FSHR: variants seen among roughly 807,000 people sequenced by gnomAD.
FSHR encodes follicle-stimulating hormone receptor.
A neutral mutation model predicts 52.1 loss-of-function variants in FSHR; 46 were observed. That is an observed-to-expected ratio of 0.88 (90% CI 0.70 to 1.13). The LOEUF is 1.13. FSHR is among the 50% of genes most tolerant of loss of function. FSHR has a pLI of 0.00. For synonymous variants in FSHR, 399 were observed against 309.6 expected, an observed-to-expected ratio of 1.29 and a Z score of -3.03; for missense variants, 964 against 834.6, an observed-to-expected ratio of 1.16 and a Z score of -1.91.
chr2:49,085,912 A>G (rs966457831), intron 1 of FSHR, among the ~76,000 whole-genome samples: 3 of 151,506 alleles, frequency 2.0e-5, no homozygotes, highest in Non-Finnish European at 2.9e-5. Flanking sequence ...GGAATTGAAC[A>G]ATGAGAACAC....
chr2:49,122,308 C>T (rs1671846313), intron 1 of FSHR, among the ~76,000 whole-genome samples: 1 of 152,184 alleles, frequency 6.6e-6, no homozygotes, highest in African/African-American at 2.4e-5. Flanking sequence ...GCTGACAGAA[C>T]TGTCATCTTC....
At chr2:49,127,790 C>G (rs866935964) in intron 1 of FSHR, among the ~76,000 whole-genome samples, 5 of 53,810 alleles carry the variant, frequency 9.3e-5, no homozygotes, top group Non-Finnish European at 1.4e-4. Flanking sequence ...TCTTCTTCTT[C>G]TTCTTCTTCT....
chr2:48,968,573 G>C, intron 9 of FSHR, 125 bp downstream of exon 9: 1 of 1,130,976 alleles, frequency 8.8e-7, no homozygotes, highest in Non-Finnish European at 1.3e-6. Context: ...CCCAGAATGT[G>C]CCAAAGGGCT....
chr2:49,059,702 C>CA (rs1293242380), intron 2 of FSHR: 1 of 152,146 alleles, frequency 6.6e-6, no homozygotes, highest in Non-Finnish European at 1.5e-5. Flanking sequence ...TCATTCTATA[C>CA]AAAAATCAAC....
chr2:49,117,733 C>T (rs1010790445), intron 1 of FSHR, among the ~76,000 whole-genome samples: 21 of 152,296 alleles, frequency 1.4e-4, no homozygotes, highest in Non-Finnish European at 2.9e-4. Context: ...GCCTCGCTTT[C>T]CGTTTTTCAA....
Position 49,093,594 on chromosome 2 carries a change from T to TC in FSHR, c.153-25305dup, listed in dbSNP as rs35608687. 4.8e-4 allele frequency among the ~76,000 whole-genome samples: 62 copies of TC among 128,596 alleles called. 1 individual carries two copies. The highest frequency in any genetic ancestry group is 7.5e-4 in the Admixed American group (9 of 12,006). 84.4% of individuals were successfully genotyped at this position (128,596 alleles called of 152,430 possible). On this transcript the variant is annotated intron_variant, in intron 1 of 9. Transcript: ENST00000406846. The stretch of plus-strand genomic sequence containing the variant: ...CAGCCTTTCTAAAACATTATATTTA[T>TC]CTTTTTTTTTTTTTTTTTGAGACGG...
chr2:49,153,703 C>T (rs141353042), intron 1 of FSHR, among the ~76,000 whole-genome samples: 1 of 152,232 alleles, frequency 6.6e-6, no homozygotes, highest in African/African-American at 2.4e-5. Context: ...TTCTCCCTCT[C>T]TCTGTGTCTT....
chr2:49,115,030 T>A (rs1334815610), intron 1 of FSHR, among the ~76,000 whole-genome samples: 1 of 151,114 alleles, frequency 6.6e-6, no homozygotes, highest in African/African-American at 2.4e-5. Context: ...TAGAACATGA[T>A]CCAATGAAAG....
rs114795945 is a variant in FSHR at position 49,112,656 on chromosome 2, A to G, written c.152+41610T>C. ...TATATTAAAGAGAGTGTTAGATGTGAAGATCCCTGCAACCACTTGAACCAT... is the reference window on the plus strand; with the variant it reads ...TATATTAAAGAGAGTGTTAGATGTGGAGATCCCTGCAACCACTTGAACCAT... On this transcript the variant is annotated intron_variant, in intron 1 of 9. Transcript: ENST00000406846. Among the ~76,000 whole-genome samples the G allele has an allele frequency of 3.0e-3, 457 of 152,318 alleles. 3 individuals are homozygous for G. The highest frequency in any genetic ancestry group is 0.011 in the African/African-American group (442 of 41,576).
In FSHR at chr2:49,087,070, GTTTTTTTTTT is replaced by G. The variant is rs56890721; in HGVS notation, c.153-18790_153-18781del. Among the ~76,000 whole-genome samples the G allele has an allele frequency of 2.0e-4, 17 of 86,730 alleles. 1 individual carries two copies. The East Asian group carries it at 3.0e-3, about 15-fold the overall frequency. 56.9% of individuals were successfully genotyped at this position (86,730 alleles called of 152,430 possible). A position where few individuals can be genotyped will look rare whatever the true frequency, so the allele number is the denominator to read the frequency against. On this transcript the variant is annotated intron_variant, in intron 1 of 9. Transcript: ENST00000406846. ...GTAGTTGAGGGACCCTGTGGGCAGG[GTTTTTTTTTT>G]TTTTTTTTTTTTTTTTTTACAAAGC...
intron 8 of FSHR, among the ~76,000 whole-genome samples, chr2:48,976,785 A>G (rs1234446667): frequency 1.3e-5 from 2 of 152,162 alleles, no homozygotes; most frequent in African/African-American, 4.8e-5. Flanking sequence ...TGTTTATAGT[A>G]TTCTCTGATG....
At chr2:49,074,026 A>G (rs1669854899) in intron 1 of FSHR, among the ~76,000 whole-genome samples, 1 of 152,064 alleles carries the variant, frequency 6.6e-6, no homozygotes. Context: ...CTCATTCTAT[A>G]TAGAAATGAC....
chr2:49,143,237 A>T (rs930039169), intron 1 of FSHR, among the ~76,000 whole-genome samples: 3 of 152,120 alleles, frequency 2.0e-5, no homozygotes, highest in African/African-American at 7.2e-5. Flanking sequence ...TAGGAGGAAA[A>T]CTAGTGTGGT....
chr2:49,117,734 C>T lies in FSHR; in HGVS notation c.152+36532G>A, dbSNP rs370751480. 5.5e-4 allele frequency among the ~76,000 whole-genome samples: 84 copies of T among 152,264 alleles called. 1 individual carries two copies. The South Asian group carries it at 0.015, about 27-fold the overall frequency. On this transcript the variant is annotated intron_variant, in intron 1 of 9. Coordinates refer to ENST00000406846, the MANE Select transcript of FSHR (RefSeq NM_000145.4). ...ACCTCTTCACTCCTGCCTCGCTTTCCGTTTTTCAAATTTCTTTTCTATGTG... is the reference window on the plus strand; with the variant it reads ...ACCTCTTCACTCCTGCCTCGCTTTCTGTTTTTCAAATTTCTTTTCTATGTG...
chr2:48,985,697 G>GTTTTTTTTTTTTTTTTTTTTTTTTTTT lies in FSHR; in HGVS notation c.525-2558_525-2532dup, dbSNP rs70946839. On this transcript the variant is annotated intron_variant, in intron 6 of 9. Transcript: ENST00000406846. ...TTCAGTTTCAGGGGAGCAAGTACAG[G>GTTTTTTTTTTTTTTTTTTTTTTTTTTT]TTTTTTTTTTTTTTTTTTTTTTTTT... Among the ~76,000 whole-genome samples the GTTTTTTTTTTTTTTTTTTTTTTTTTTT allele has an allele frequency of 1.0e-4, 10 of 99,540 alleles. 5 individuals are homozygous for GTTTTTTTTTTTTTTTTTTTTTTTTTTT. The highest frequency in any genetic ancestry group is 4.2e-4 in the African/African-American group (10 of 23,878). 65.3% of individuals were successfully genotyped at this position (99,540 alleles called of 152,430 possible).
At chr2:49,059,264 GA>G (rs1165358540) in intron 2 of FSHR, among the ~76,000 whole-genome samples, 4 of 151,134 alleles carry the variant, frequency 2.6e-5, no homozygotes, top group East Asian at 1.9e-4. Flanking sequence ...CACAGAAGTA[GA>G]AAAAAAAATT....
At chr2:49,087,706 G>A (rs1482831897) in intron 1 of FSHR, among the ~76,000 whole-genome samples, 1 of 152,202 alleles carries the variant, frequency 6.6e-6, no homozygotes, top group African/African-American at 2.4e-5. Flanking sequence ...TAGATGGATG[G>A]ATGGAGACAG....
intron 1 of FSHR, among the ~76,000 whole-genome samples, chr2:49,122,888 T>C (rs1671867759): frequency 6.6e-6 from 1 of 152,204 alleles, no homozygotes; most frequent in Admixed American, 6.5e-5. Flanking sequence ...AACTTCTACA[T>C]TTATTAAATG....
intron 2 of FSHR, among the ~76,000 whole-genome samples, chr2:49,021,835 C>T (rs1381872612): frequency 1.0e-4 from 2 of 19,984 alleles, no homozygotes; most frequent in Admixed American, 6.5e-4. Context: ...ATGTGTTTCT[C>T]TCTCTCTCTC....
Sources: allele counts gnomAD v4.1 joint callset (sites outside exome capture counted in the v4.1 genomes callset), GRCh38; gene constraint gnomAD v4.1.1; transcripts MANE v1.5; gene names NCBI Gene and HGNC (gene_info 2026-07-23, HGNC 2026-07-21).